The following LRP1B variants were observed in gnomAD, a reference collection of about 807,000 sequenced individuals.
LRP1B encodes the protein low-density lipoprotein receptor-related protein 1B.
LRP1B carries 217 observed loss-of-function variants against 556.6 expected under a neutral mutation model. That is an observed-to-expected ratio of 0.39 (90% CI 0.35 to 0.44). The LOEUF (loss-of-function observed/expected upper bound fraction) is 0.44. LRP1B is among the 20% of genes least tolerant of loss of function. The probability of loss-of-function intolerance (pLI) is 1.00; values close to 1 mark genes in which losing one functional copy is unlikely to be tolerated. For missense variants in LRP1B, 5,053 were observed against 5,620.8 expected, an observed-to-expected ratio of 0.90 and a Z score of 3.23; for synonymous variants, 2,047 against 1,865.8, an observed-to-expected ratio of 1.10 and a Z score of -2.50.
In LRP1B at chr2:141,377,124, G is replaced by A. The variant is rs192124260; in HGVS notation, c.343+103272C>T. 2.2e-3 allele frequency among the ~76,000 whole-genome samples: 328 copies of A among 152,220 alleles called. 2 individuals are homozygous for A. Among genetic ancestry groups the A allele is most frequent in the African/African-American group, 7.2e-3 (300 of 41,556 alleles). On this transcript the variant is annotated intron_variant, in intron 3 of 90. Coordinates refer to ENST00000389484, the MANE Select transcript of LRP1B (RefSeq NM_018557.3). ...AATGCAAAACATTTTGGGGATATGA[G>A]CAGTGCATGGGAAAAGTAATGTATC...
chr2:141,551,200 G>A (rs1685738522), intron 2 of LRP1B, among the ~76,000 whole-genome samples: 1 of 151,742 alleles, frequency 6.6e-6, no homozygotes, highest in East Asian at 1.9e-4. Context: ...TAATAATTGT[G>A]ATAATTGAAA....
intron 3 of LRP1B, among the ~76,000 whole-genome samples, chr2:141,357,745 G>T (rs866268961): frequency 7.2e-5 from 11 of 152,152 alleles, no homozygotes; most frequent in Non-Finnish European, 8.8e-5. Context: ...GGGGATTTAT[G>T]GAATATTTGT....
intron 47 of LRP1B, among the ~76,000 whole-genome samples, chr2:140,533,513 G>T (rs1437464554): frequency 1.3e-5 from 2 of 152,178 alleles, no homozygotes; most frequent in East Asian, 3.9e-4. Flanking sequence ...AAAAGTATAG[G>T]CAGGGAAACC....
At chr2:140,774,524 T>A (rs1285305179) in intron 33 of LRP1B, among the ~76,000 whole-genome samples, 1 of 152,128 alleles carries the variant, frequency 6.6e-6, no homozygotes, top group Non-Finnish European at 1.5e-5. Context: ...AGTGGGTAAA[T>A]ATTTTTAAAT....
chr2:140,526,404 C>T (rs1574041395), intron 47 of LRP1B, 54 bp from the exon 48 acceptor site: 1 of 1,086,598 alleles, frequency 9.2e-7, no homozygotes, highest in Non-Finnish European at 1.4e-6. Context: ...TGACTCCTTG[C>T]TTTTACATTT....
chr2:141,423,146 C>T (rs1156560245), intron 3 of LRP1B, among the ~76,000 whole-genome samples: 1 of 151,600 alleles, frequency 6.6e-6, no homozygotes, highest in Non-Finnish European at 1.5e-5. Flanking sequence ...TGATCTTCTC[C>T]CTAACCTCTA....
Position 140,456,791 on chromosome 2 carries a change from T to C in LRP1B, c.9815-188A>G, listed in dbSNP as rs78813147. 2.4e-3 allele frequency among the ~76,000 whole-genome samples: 369 copies of C among 152,338 alleles called. 2 individuals are homozygous for C. The highest frequency in any genetic ancestry group is 8.3e-3 in the African/African-American group (344 of 41,598). On this transcript the variant is annotated intron_variant, in intron 61 of 90. Coordinates refer to ENST00000389484, the MANE Select transcript of LRP1B (RefSeq NM_018557.3). ...AATGCTACTCATTGTCCATTGACAT[T>C]AATTCTACCATTCAATAATTTTAAA... is the stretch of plus-strand genomic sequence containing the variant.
At chr2:141,355,549 G>C (rs1418174847) in intron 3 of LRP1B, among the ~76,000 whole-genome samples, 1 of 151,870 alleles carries the variant, frequency 6.6e-6, no homozygotes, top group East Asian at 1.9e-4. Context: ...GTCTTATTAA[G>C]AACTGTCAAA....
intron 3 of LRP1B, among the ~76,000 whole-genome samples, chr2:141,274,249 A>T (rs1220193300): frequency 6.6e-6 from 1 of 152,222 alleles, no homozygotes; most frequent in Admixed American, 6.5e-5. Flanking sequence ...AAAAACTTGT[A>T]TATGAATATT....
rs1270996703 is a variant in LRP1B at position 140,316,739 on chromosome 2, AAAAATAT to A, written c.12641-1647_12641-1641del. On this transcript the variant is annotated intron_variant, in intron 82 of 90. Transcript: ENST00000389484. ...TGACTAGTAAATAAGAAATGGGAAA[AAAAATAT>A]AAAATATAAAATTGTAACACTTTGT... Among the ~76,000 whole-genome samples the A allele has an allele frequency of 2.6e-5, 4 of 152,270 alleles. No individual in the cohort carries two copies. In the East Asian group the frequency reaches 5.8e-4, roughly 22 times the overall value.
At chr2:140,865,980 A>T (rs530494383) in intron 27 of LRP1B, among the ~76,000 whole-genome samples, 1 of 152,212 alleles carries the variant, frequency 6.6e-6, no homozygotes, top group South Asian at 2.1e-4. Context: ...ATGCAGGCGA[A>T]TTAGACAGTG....
rs376827880 is a variant in LRP1B at position 140,285,581 on chromosome 2, C to G, written c.12968-10983G>C. Among the ~76,000 whole-genome samples the G allele has an allele frequency of 5.3e-5, 8 of 151,652 alleles. 1 individual carries two copies. The highest frequency in any genetic ancestry group is 1.9e-4 in the African/African-American group (8 of 41,452). On this transcript the variant is annotated intron_variant, in intron 84 of 90. Coordinates refer to ENST00000389484, the MANE Select transcript of LRP1B (RefSeq NM_018557.3). Reference sequence around the variant, plus strand: ...GGTTAACTGTGCCATTTCTTTAGGTCAGATATGTATAAACAAACAATTTAT... The same window carrying G: ...GGTTAACTGTGCCATTTCTTTAGGTGAGATATGTATAAACAAACAATTTAT...
chr2:140,656,428 G>C (rs1182431459), intron 41 of LRP1B, among the ~76,000 whole-genome samples: 1 of 152,114 alleles, frequency 6.6e-6, no homozygotes, highest in Non-Finnish European at 1.5e-5. Flanking sequence ...GATAATGCCA[G>C]GAAAGCAGTA....
At chr2:140,775,939 A>G (rs1689479418) in intron 33 of LRP1B, among the ~76,000 whole-genome samples, 159 bp downstream of exon 33, 2 of 152,168 alleles carry the variant, frequency 1.3e-5, no homozygotes, top group African/African-American at 4.8e-5. Context: ...CATCTATATT[A>G]AAGACATTTC....
chr2:141,617,735 T>C (rs1356471023), intron 2 of LRP1B, among the ~76,000 whole-genome samples: 1 of 152,210 alleles, frequency 6.6e-6, no homozygotes, highest in Non-Finnish European at 1.5e-5. Flanking sequence ...TTAAAAAATG[T>C]AATTAATACC....
intron 3 of LRP1B, among the ~76,000 whole-genome samples, chr2:141,400,862 T>C (rs1286471516): frequency 6.6e-6 from 1 of 152,202 alleles, no homozygotes; most frequent in African/African-American, 2.4e-5. Flanking sequence ...TAGCCTGGCA[T>C]CTATGCCTTC....
intron 7 of LRP1B, among the ~76,000 whole-genome samples, chr2:141,128,287 A>G (rs960880940): frequency 3.9e-5 from 6 of 152,256 alleles, no homozygotes; most frequent in Non-Finnish European, 7.3e-5. Context: ...ACCAAGTAAC[A>G]GAACAAAACA....
In LRP1B at chr2:141,046,101, A is replaced by AT. The variant is rs894523401; in HGVS notation, c.1789+2884dup. Among the ~76,000 whole-genome samples the AT allele has an allele frequency of 1.7e-3, 257 of 152,100 alleles. 2 individuals are homozygous for AT. The highest frequency in any genetic ancestry group is 1.7e-3 in the Non-Finnish European group (119 of 68,016). ...AAAATCAAATAATGAATAAAGATGG[A>AT]TTTTTTTGGAAATGTTGTTGTTTTT... On this transcript the variant is annotated intron_variant, in intron 11 of 90. Transcript: ENST00000389484.
chr2:140,888,627 A>C (rs1185352087), intron 23 of LRP1B, among the ~76,000 whole-genome samples: 1 of 152,062 alleles, frequency 6.6e-6, no homozygotes, highest in East Asian at 1.9e-4. Context: ...AATATGTAAA[A>C]TAAGTCAATT....
Sources: gnomAD v4.1 joint callset for allele counts (sites outside exome capture counted in the v4.1 genomes callset) on GRCh38, gnomAD v4.1.1 for gene constraint, MANE v1.5 for transcripts, NCBI Gene and HGNC (gene_info 2026-07-23, HGNC 2026-07-21) for gene names.